Variants in RAD50 observed in about 807,000 individuals in gnomAD.
The protein encoded by RAD50 is RAD50 double strand break repair protein.
A neutral mutation model predicts 168.8 loss-of-function variants in RAD50; 132 were observed. The observed-to-expected ratio is 0.78, with a 90% CI of 0.68 to 0.90. RAD50 has a LOEUF of 0.90. Among genes scored for constraint, RAD50 ranks in the 40% least tolerant of loss-of-function variants. The pLI is 0.00. For synonymous variants in RAD50, 525 were observed against 497.4 expected (o/e 1.06, Z -0.74); for missense variants, 1,347 against 1,534.4 (o/e 0.88, Z 2.04).
chr5:132,628,598 C>A (rs1404013724), intron 21 of RAD50, among the ~76,000 whole-genome samples: 1 of 152,028 alleles, frequency 6.6e-6, no homozygotes, highest in African/African-American at 2.4e-5. Context: ...GTAATCCCAG[C>A]ACTTTGGGAG....
At chr5:132,581,279 A>G (rs1353816832) in intron 5 of RAD50, among the ~76,000 whole-genome samples, 1 of 151,818 alleles carries the variant, frequency 6.6e-6, no homozygotes, top group African/African-American at 2.4e-5. Flanking sequence ...AAAAAAAAAA[A>G]ATAGAATTTT....
chr5:132,559,455 A>AAACTTGGCACTG, intron 2 of RAD50, 88 bp downstream of exon 2: 1 of 1,381,284 alleles, frequency 7.2e-7, no homozygotes, highest in Non-Finnish European at 9.9e-7. Context: ...AAAACTATAA[A>AAACTTGGCACTG]GAGAAATGAA....
At chr5:132,639,503 C>T (rs760473602) in intron 23 of RAD50, among the ~76,000 whole-genome samples, 5 of 152,146 alleles carry the variant, frequency 3.3e-5, no homozygotes, top group African/African-American at 7.2e-5. Context: ...AGTATCCCTA[C>T]GTGCTTTGAT....
intron 9 of RAD50, among the ~76,000 whole-genome samples, chr5:132,591,015 A>G (rs1168034291): frequency 6.6e-6 from 1 of 152,176 alleles, no homozygotes; most frequent in African/African-American, 2.4e-5. Context: ...TTTATTTACT[A>G]ATTCTCTACC....
intron 11 of RAD50, chr5:132,593,617 C>G (rs1444810190): frequency 6.6e-6 from 1 of 152,112 alleles, no homozygotes; most frequent in Non-Finnish European, 1.5e-5. Context: ...AAATTCCACA[C>G]AGATTTTTGA....
At position 132,588,819 on chromosome 5, in the gene RAD50, A is replaced by AT. The variant is rs770082735; in HGVS notation, c.1188dup (p.His397SerfsTer21). 1.9e-6 allele frequency: 3 copies of AT among 1,614,126 alleles called. No individual in the cohort carries two copies. The highest frequency in any genetic ancestry group is 2.5e-6 in the Non-Finnish European group (3 of 1,179,986). On this transcript the variant is annotated frameshift_variant, in exon 8 of 25. Coordinates refer to ENST00000378823, the MANE Select transcript of RAD50 (RefSeq NM_005732.4). LOFTEE classifies it high-confidence loss of function. ...CCATTCAGTGAAAGACAGATTAAAA[A>AT]TTTTCACAAACTTGTGAGAGAGAGA...
chr5:132,583,206 A>G (rs529414170), intron 5 of RAD50, among the ~76,000 whole-genome samples: 1 of 152,314 alleles, frequency 6.6e-6, no homozygotes, highest in South Asian at 2.1e-4. Context: ...TTACTGCCTA[A>G]CACTAACCCG....
intron 4 of RAD50, 43 bp from the exon 5 acceptor site, chr5:132,579,819 T>C (rs965365815): frequency 6.7e-7 from 1 of 1,493,946 alleles, no homozygotes; most frequent in East Asian, 2.3e-5. Context: ...TATACCATAA[T>C]TTACTTTGCC....
At chr5:132,635,381 C>G (rs1291950205) in intron 21 of RAD50, among the ~76,000 whole-genome samples, 4 of 152,226 alleles carry the variant, frequency 2.6e-5, no homozygotes, top group African/African-American at 9.6e-5. Flanking sequence ...CCTTAGTCAT[C>G]CCCATCTCTT....
At chr5:132,578,774 T>G (rs1750447377) in intron 3 of RAD50, among the ~76,000 whole-genome samples, 1 of 151,784 alleles carries the variant, frequency 6.6e-6, no homozygotes, top group South Asian at 2.1e-4. Context: ...GGTGATCCAT[T>G]CACCTCGGCC....
rs1441831346 is a variant in RAD50 at position 132,575,888 on chromosome 5, A to G, written c.325A>G (p.Thr109Ala). ...SMVCTQKSKK[T>A]EFKTLEGVIT... The stretch of plus-strand genomic sequence containing the variant: ...GGTGTGTACTCAGAAAAGCAAAAAG[A>G]CAGAATTTAAAACTCTGGAAGGAGT... Residue 109 changes from threonine (T) to alanine (A), a missense_variant, in exon 3 of 25, where the codon ACA becomes GCA. Thr to Ala is a moderately conservative substitution (Grantham distance 58). Transcript: ENST00000378823. 1.9e-6 allele frequency: 3 copies of G among 1,611,116 alleles called. No individual in the cohort carries two copies. Among genetic ancestry groups the G allele is most frequent in the Non-Finnish European group, 1.7e-6 (2 of 1,177,282 alleles).
chr5:132,635,301 A>G (rs1163989759), intron 21 of RAD50, among the ~76,000 whole-genome samples: 1 of 152,238 alleles, frequency 6.6e-6, no homozygotes, highest in African/African-American at 2.4e-5. Flanking sequence ...TTTGTCTCGC[A>G]TATGGTAAAT....
intron 11 of RAD50, among the ~76,000 whole-genome samples, chr5:132,592,589 T>A (rs1392098800): frequency 6.6e-6 from 1 of 152,198 alleles, no homozygotes; most frequent in Non-Finnish European, 1.5e-5. Flanking sequence ...CAGAACACTC[T>A]CATAATAAGC....
intron 13 of RAD50, among the ~76,000 whole-genome samples, chr5:132,601,787 C>A (rs1750892266): frequency 6.6e-6 from 1 of 152,102 alleles, no homozygotes; most frequent in South Asian, 2.1e-4. Flanking sequence ...CATGGAGTAA[C>A]TATGCAGCCA....
In RAD50 at chr5:132,557,134, C is replaced by T. The variant is rs1442283620; in HGVS notation, c.-191C>T. On this transcript the variant is annotated 5_prime_UTR_variant, in exon 1 of 25. Coordinates refer to ENST00000378823, the MANE Select transcript of RAD50 (RefSeq NM_005732.4). ...AAAGCAGCTGGTGTGGGAGGAAAGG[C>T]TCCATCCCCCGCCCCCTCTCTCCCG... 3 of 794,690 alleles carry T rather than the reference C, an allele frequency of 3.8e-6. No individual in the cohort carries two copies. The highest frequency in any genetic ancestry group is 1.7e-5 in the African/African-American group (1 of 58,714). The allele number at this position is 794,690 out of a possible 1,614,324, so 49.2% of individuals were successfully genotyped here.
At chr5:132,641,231 A>G (rs1025615955) in intron 24 of RAD50, among the ~76,000 whole-genome samples, 2 of 152,206 alleles carry the variant, frequency 1.3e-5, no homozygotes, top group African/African-American at 4.8e-5. Flanking sequence ...ACTGTGAGGA[A>G]TGACAGAGCT....
At chr5:132,558,164 AAGAG>A (rs768909751) in intron 1 of RAD50, among the ~76,000 whole-genome samples, 8 of 152,158 alleles carry the variant, frequency 5.3e-5, no homozygotes, top group Non-Finnish European at 7.4e-5. Flanking sequence ...AGAGTGTAGA[AAGAG>A]AGAAGGTTGA....
In RAD50 at chr5:132,584,820, T is replaced by G. The variant is rs545438701; in HGVS notation, c.757-2742T>G. On this transcript the variant is annotated intron_variant, in intron 5 of 24. Coordinates refer to ENST00000378823, the MANE Select transcript of RAD50 (RefSeq NM_005732.4). Reference sequence around the variant, plus strand: ...GGGACATGGATGAAGCTGGAAACCATCATTCTCAGCAAACTACCGCAAGAA... The same window carrying G: ...GGGACATGGATGAAGCTGGAAACCAGCATTCTCAGCAAACTACCGCAAGAA... Among the ~76,000 whole-genome samples, 180 of 151,994 alleles carry G rather than the reference T, an allele frequency of 1.2e-3. 1 individual carries two copies. The highest frequency in any genetic ancestry group is 4.2e-3 in the African/African-American group (173 of 41,478).
chr5:132,576,121 C>T (rs1750396427), intron 3 of RAD50, among the ~76,000 whole-genome samples, 193 bp downstream of exon 3: 1 of 152,046 alleles, frequency 6.6e-6, no homozygotes, highest in Admixed American at 6.5e-5. Flanking sequence ...CCATTTTCTC[C>T]CTACCCCCAC....
Sources: allele counts gnomAD v4.1 joint callset (sites outside exome capture counted in the v4.1 genomes callset), GRCh38; gene constraint gnomAD v4.1.1; transcripts MANE v1.5; gene names NCBI Gene and HGNC (gene_info 2026-07-23, HGNC 2026-07-21).